Variants in EYS observed in about 807,000 individuals in gnomAD.
EYS encodes the protein protein eyes shut homolog.
Under a neutral mutation model 282.1 loss-of-function variants are expected in EYS, and 250 were observed. That is an observed-to-expected ratio of 0.89 (90% CI 0.80 to 0.98). The LOEUF (loss-of-function observed/expected upper bound fraction) is 0.98, where lower values mean the gene tolerates loss of function less well. EYS is among the 50% of genes least tolerant of loss of function. The probability of loss-of-function intolerance (pLI) is 0.00; values close to 1 mark genes in which losing one functional copy is unlikely to be tolerated. For missense variants in EYS, 4,016 were observed against 3,709.0 expected, an observed-to-expected ratio of 1.08 and a Z score of -2.15; for synonymous variants, 1,355 against 1,282.9, an observed-to-expected ratio of 1.06 and a Z score of -1.20.
intron 33 of EYS, among the ~76,000 whole-genome samples, chr6:64,061,769 C>T (rs1380094238): frequency 6.6e-6 from 1 of 152,060 alleles, no homozygotes; most frequent in East Asian, 1.9e-4. Context: ...GAGGGTGGAT[C>T]ACCTGAGGTC....
intron 36 of EYS, among the ~76,000 whole-genome samples, chr6:63,851,560 T>A (rs1772250498): frequency 6.6e-6 from 1 of 152,154 alleles, no homozygotes; most frequent in South Asian, 2.1e-4. Context: ...AACAACCTGC[T>A]CCTGAATGAC....
chr6:65,179,573 C>T (rs186934999), intron 12 of EYS, among the ~76,000 whole-genome samples: 9 of 151,852 alleles, frequency 5.9e-5, no homozygotes, highest in South Asian at 2.1e-4. Context: ...AACAGCTTAG[C>T]AACCAAAAAA....
chr6:64,102,367 T>C (rs907255971), intron 31 of EYS, among the ~76,000 whole-genome samples: 1 of 152,070 alleles, frequency 6.6e-6, no homozygotes, highest in Admixed American at 6.6e-5. Context: ...TTTTCAAGAG[T>C]GAATTTTGGC....
chr6:65,401,530 T>C (rs894023211), intron 7 of EYS, among the ~76,000 whole-genome samples: 23 of 151,884 alleles, frequency 1.5e-4, no homozygotes, highest in African/African-American at 4.1e-4. Flanking sequence ...GATGAATTAA[T>C]ATACAATTGA....
intron 19 of EYS, among the ~76,000 whole-genome samples, chr6:64,845,516 C>T (rs571886802): frequency 7.9e-6 from 1 of 126,736 alleles, no homozygotes; most frequent in East Asian, 2.0e-4. Flanking sequence ...TTTCTTCCAA[C>T]AAAAAATAAT....
intron 30 of EYS, among the ~76,000 whole-genome samples, chr6:64,249,737 G>A (rs1394590498): frequency 2.0e-5 from 3 of 152,168 alleles, no homozygotes; most frequent in Non-Finnish European, 4.4e-5. Context: ...GATAAGAGCT[G>A]TGGTCCTGGA....
At chr6:64,261,010 CA>C (rs5876888) in intron 30 of EYS, among the ~76,000 whole-genome samples, 103,393 of 151,384 alleles carry the variant, frequency 0.68, 35,319 homozygotes, top group South Asian at 0.71. Context: ...CAGCACTTAT[CA>C]TTTTTTTGTG....
intron 22 of EYS, among the ~76,000 whole-genome samples, chr6:64,676,313 T>C (rs1419392973): frequency 2.9e-5 from 4 of 136,296 alleles, no homozygotes; most frequent in African/African-American, 1.0e-4. Context: ...ATATCCAATA[T>C]ATCTATATAT....
chr6:65,308,577 G>A (rs1423287223), intron 11 of EYS, among the ~76,000 whole-genome samples: 1 of 144,076 alleles, frequency 6.9e-6, no homozygotes, highest in Non-Finnish European at 1.5e-5. Context: ...ATTGAAGTGG[G>A]TACCCAGACA....
At chr6:65,348,726 C>T (rs1770492350) in intron 9 of EYS, among the ~76,000 whole-genome samples, 1 of 151,438 alleles carries the variant, frequency 6.6e-6, no homozygotes, top group Non-Finnish European at 1.5e-5. Flanking sequence ...GCTGTGAGCT[C>T]ATTTGTCTAT....
intron 10 of EYS, among the ~76,000 whole-genome samples, chr6:65,339,170 T>C (rs1311990884): frequency 6.6e-6 from 1 of 151,182 alleles, no homozygotes; most frequent in African/African-American, 2.4e-5. Context: ...GCTGGATCCT[T>C]AAAATAATAT....
At chr6:65,141,131 G>T (rs1036996846) in intron 12 of EYS, among the ~76,000 whole-genome samples, 14 of 151,958 alleles carry the variant, frequency 9.2e-5, no homozygotes, top group African/African-American at 3.1e-4. Flanking sequence ...AGAAAATGTG[G>T]CACATATACA....
intron 31 of EYS, among the ~76,000 whole-genome samples, chr6:64,200,167 G>T (rs1257871482): frequency 1.3e-5 from 2 of 152,238 alleles, no homozygotes; most frequent in East Asian, 3.9e-4. Context: ...GGTTTTCAGG[G>T]GCTTACAGGG....
chr6:64,620,340 A>T (rs529412052), intron 23 of EYS, among the ~76,000 whole-genome samples: 1 of 152,340 alleles, frequency 6.6e-6, no homozygotes, highest in Admixed American at 6.5e-5. Context: ...TAGTGACTCT[A>T]CAGTGAGATC....
chr6:64,517,727 T>C (rs931667277), intron 26 of EYS, among the ~76,000 whole-genome samples: 7 of 151,498 alleles, frequency 4.6e-5, no homozygotes, highest in African/African-American at 1.7e-4. Context: ...GCTCTCAGAA[T>C]AGAAAATAAA....
intron 29 of EYS, among the ~76,000 whole-genome samples, chr6:64,334,868 T>C (rs144307807): frequency 6.6e-6 from 1 of 152,232 alleles, no homozygotes; most frequent in African/African-American, 2.4e-5. Flanking sequence ...CCAAGTTCAC[T>C]CTTTGGAGGA....
intron 13 of EYS, among the ~76,000 whole-genome samples, chr6:65,041,456 C>T (rs1322297772): frequency 6.6e-6 from 1 of 151,714 alleles, no homozygotes; most frequent in African/African-American, 2.4e-5. Context: ...AAAAACCATG[C>T]ACCCTTGATC....
chr6:63,948,677 T>C (rs1037255406), intron 35 of EYS, among the ~76,000 whole-genome samples: 3 of 152,156 alleles, frequency 2.0e-5, no homozygotes, highest in African/African-American at 7.2e-5. Flanking sequence ...AAAATACTAA[T>C]ATTTGAATCA....
chr6:64,297,391 A>G (rs77803667), intron 30 of EYS, among the ~76,000 whole-genome samples: 1 of 151,382 alleles, frequency 6.6e-6, no homozygotes, highest in South Asian at 2.1e-4. Flanking sequence ...CATGCCCAGG[A>G]AAGGGTTTAT....
Sources: allele counts gnomAD v4.1 joint callset (sites outside exome capture counted in the v4.1 genomes callset), GRCh38; gene constraint gnomAD v4.1.1; transcripts MANE v1.5; gene names NCBI Gene and HGNC (gene_info 2026-07-23, HGNC 2026-07-21).